The following CRTC1 variants were observed in gnomAD, a reference collection of about 807,000 sequenced individuals.
CRTC1 encodes CREB regulated transcription coactivator 1.
In CRTC1, 18 loss-of-function variants were observed where a neutral mutation model predicts 66.1. The ratio of observed to expected loss-of-function variants is 0.27; its 90% CI spans 0.19 to 0.40. The LOEUF (loss-of-function observed/expected upper bound fraction) is 0.40, where lower values mean the gene tolerates loss of function less well. CRTC1 is among the 10% of genes least tolerant of loss of function. The pLI, the probability that CRTC1 is intolerant of heterozygous loss-of-function variation, is 1.00. For synonymous variants in CRTC1, 416 were observed against 398.8 expected (o/e 1.04, Z -0.51); for missense variants, 669 against 887.9 (o/e 0.75, Z 3.13).
intron 1 of CRTC1, among the ~76,000 whole-genome samples, chr19:18,684,214 G>A (rs929616532): frequency 1.8e-4 from 27 of 152,006 alleles, no homozygotes; most frequent in African/African-American, 4.6e-4. Flanking sequence ...TACCTGGAAG[G>A]GACAGGTGCC....
intron 1 of CRTC1, among the ~76,000 whole-genome samples, chr19:18,710,912 G>A (rs1033197384): frequency 5.3e-5 from 8 of 152,132 alleles, no homozygotes; most frequent in East Asian, 3.9e-4. Flanking sequence ...CACCGCGCCC[G>A]GCCTCACCCT....
chr19:18,752,876 G>A (rs1211754531), intron 5 of CRTC1, among the ~76,000 whole-genome samples: 3 of 151,180 alleles, frequency 2.0e-5, no homozygotes, highest in African/African-American at 7.3e-5. Context: ...AACCTCGGGC[G>A]ATCTGCCCAC....
intron 1 of CRTC1, among the ~76,000 whole-genome samples, chr19:18,713,373 A>G (rs1238270753): frequency 6.6e-6 from 1 of 152,174 alleles, no homozygotes; most frequent in African/African-American, 2.4e-5. Flanking sequence ...GTTTGTGTGG[A>G]CACTGTCTTC....
At chr19:18,698,975 A>T (rs1396577599) in intron 1 of CRTC1, among the ~76,000 whole-genome samples, 2 of 151,384 alleles carry the variant, frequency 1.3e-5, no homozygotes, top group Non-Finnish European at 2.9e-5. Flanking sequence ...GCAGGTACTC[A>T]GCAGGCGTAC....
chr19:18,766,956 C>T (rs541466264), intron 9 of CRTC1, among the ~76,000 whole-genome samples: 1 of 152,054 alleles, frequency 6.6e-6, no homozygotes, highest in South Asian at 2.1e-4. Context: ...TGGTAAATTC[C>T]TGTAGTCCCA....
At chr19:18,718,683 A>G (rs1210102664) in intron 1 of CRTC1, among the ~76,000 whole-genome samples, 2 of 151,986 alleles carry the variant, frequency 1.3e-5, no homozygotes, top group Non-Finnish European at 2.9e-5. Flanking sequence ...CACTGTATGG[A>G]CAGACCAGTC....
At chr19:18,727,826 G>T (rs1449148736) in intron 1 of CRTC1, among the ~76,000 whole-genome samples, 1 of 151,828 alleles carries the variant, frequency 6.6e-6, no homozygotes, top group Non-Finnish European at 1.5e-5. Flanking sequence ...GGTTCAGGAA[G>T]TTCTCCTGCC....
intron 1 of CRTC1, among the ~76,000 whole-genome samples, chr19:18,707,571 G>T (rs186428686): frequency 7.2e-5 from 11 of 152,222 alleles, no homozygotes; most frequent in African/African-American, 2.6e-4. Context: ...AGATTGTCTT[G>T]TCTATTTCAG....
chr19:18,716,726 A>G lies in CRTC1; in HGVS notation c.127-26184A>G, dbSNP rs1239098296. Among the ~76,000 whole-genome samples the G allele has an allele frequency of 4.0e-5, 6 of 151,702 alleles. No homozygotes were observed. In the South Asian group the frequency reaches 1.0e-3, roughly 26 times the overall value. ...CTGCTCAGGTGGGAAGTTTGGAGAG[A>G]CTCCAGCTGAGTGGTTTGGGCGCTG... On this transcript the variant is annotated intron_variant, in intron 1 of 13. Transcript: ENST00000321949.
intron 11 of CRTC1, among the ~76,000 whole-genome samples, chr19:18,773,613 G>A (rs1460421285): frequency 6.6e-6 from 1 of 152,094 alleles, no homozygotes; most frequent in Non-Finnish European, 1.5e-5. Flanking sequence ...TGCCTCCCTC[G>A]CCTCGGGCAA....
At chr19:18,685,045 G>A (rs543909625) in intron 1 of CRTC1, among the ~76,000 whole-genome samples, 2 of 152,158 alleles carry the variant, frequency 1.3e-5, no homozygotes, top group Admixed American at 6.6e-5. Context: ...GCAGATGCTC[G>A]TATCCCTGGT....
rs2055098751 is a variant in CRTC1, at chr19:18,781,322, G to A, written c.*3940G>A. 4.4e-6 allele frequency: 1 copy of A among 228,522 alleles called. No individual in the cohort carries two copies. The allele number at this position is 228,522 out of a possible 1,614,324, so 14.2% of individuals were successfully genotyped here. The stretch of plus-strand genomic sequence containing the variant: ...GCCTGCCTGGGCTACATGGACACCT[G>A]GGTCTCTTTCTACCCCCATTCACCA... On this transcript the variant is annotated 3_prime_UTR_variant, in exon 14 of 14. Coordinates refer to ENST00000321949, the MANE Select transcript of CRTC1 (RefSeq NM_015321.3).
rs557262800 is a variant in CRTC1, at chr19:18,688,368, G to A, written c.126+4540G>A. ...GTGGAAAGCAGGGAGGAGGGCAGGT[G>A]AGGCTGCAAGAGCTTGGATCTCCCC... On this transcript the variant is annotated intron_variant, in intron 1 of 13. Coordinates refer to ENST00000321949, the MANE Select transcript of CRTC1 (RefSeq NM_015321.3). 5.1e-3 allele frequency among the ~76,000 whole-genome samples: 783 copies of A among 152,268 alleles called. 7 individuals are homozygous for A. Among genetic ancestry groups the A allele is most frequent in the Admixed American group, 0.011 (171 of 15,296 alleles).
At chr19:18,726,458 G>A (rs1600855065) in intron 1 of CRTC1, among the ~76,000 whole-genome samples, 1 of 152,356 alleles carries the variant, frequency 6.6e-6, no homozygotes, top group African/African-American at 2.4e-5. Context: ...TGGGCTGGAG[G>A]TGACCTGGGG....
At chr19:18,711,441 G>A (rs952098015) in intron 1 of CRTC1, among the ~76,000 whole-genome samples, 123 of 152,228 alleles carry the variant, frequency 8.1e-4, no homozygotes, top group African/African-American at 2.8e-3. Flanking sequence ...CTGAGTTGTC[G>A]GCACTTCCAG....
At position 18,777,259 on chromosome 19, in the gene CRTC1, G is replaced by T. The variant is rs752660791; in HGVS notation, c.1782G>T (p.Gln594His). ...VGDVSFDSDS[Q>H]FPLDELKIDP... ...ACGTCAGCTTCGACTCCGACAGCCA[G>T]TTTCCCCTGGACGAACTCAAGATCG... Residue 594 changes from glutamine (Q) to histidine (H), a missense_variant, in exon 14 of 14, where the codon CAG (glutamine) becomes CAT (histidine). Transcript: ENST00000321949. This position sits in a 1 kb window ranked among gnomAD's most constrained non-coding sequence, Gnocchi z 5.5. The T allele has an allele frequency of 6.2e-7, 1 of 1,612,046 alleles. No homozygotes were observed. The highest frequency in any genetic ancestry group is 1.1e-5 in the South Asian group (1 of 91,076).
chr19:18,721,640 G>A (rs1255979741), intron 1 of CRTC1, among the ~76,000 whole-genome samples: 2 of 152,046 alleles, frequency 1.3e-5, no homozygotes, highest in African/African-American at 4.8e-5. Context: ...AACTACAGGC[G>A]TGATCCACCA....
intron 1 of CRTC1, among the ~76,000 whole-genome samples, chr19:18,714,012 C>T (rs1478425779): frequency 6.6e-6 from 1 of 152,182 alleles, no homozygotes; most frequent in Non-Finnish European, 1.5e-5. Context: ...CCACGCTCAC[C>T]TCTCCTGGCA....
rs564107623 is a variant in CRTC1 at position 18,685,082 on chromosome 19, G to A, written c.126+1254G>A. ...TCCAGATTCAGCCACTGATGTGACT[G>A]GCTCAGGTAGACTTAACCTCAGTCT... is the stretch of plus-strand genomic sequence containing the variant. On this transcript the variant is annotated intron_variant, in intron 1 of 13. Transcript: ENST00000321949. 1.8e-4 allele frequency among the ~76,000 whole-genome samples: 28 copies of A among 152,290 alleles called. 1 individual carries two copies. In the South Asian group the frequency reaches 4.8e-3, roughly 26 times the overall value.
Sources: gnomAD v4.1 joint callset for allele counts (sites outside exome capture counted in the v4.1 genomes callset) on GRCh38, gnomAD v4.1.1 for gene constraint, Gnocchi (gnomAD v3.1) non-coding constraint, MANE v1.5 for transcripts, NCBI Gene and HGNC (gene_info 2026-07-23, HGNC 2026-07-21) for gene names.